The following PPFIA2 variants were observed in gnomAD, a reference collection of about 807,000 sequenced individuals.
PPFIA2 encodes liprin-alpha-2.
In PPFIA2, 46 loss-of-function variants were observed where a neutral mutation model predicts 175.5. That is an observed-to-expected ratio of 0.26 (90% confidence interval 0.21 to 0.34). The LOEUF (loss-of-function observed/expected upper bound fraction) is 0.34. Ranked by LOEUF, PPFIA2 falls within the 10% of genes least tolerant of loss-of-function variation. The probability of loss-of-function intolerance (pLI) is 1.00; values close to 1 mark genes in which losing one functional copy is unlikely to be tolerated. For missense variants in PPFIA2, 1,179 were observed against 1,506.1 expected (o/e 0.78, Z 3.60); for synonymous variants, 568 against 511.4 (o/e 1.11, Z -1.49).
chr12:81,693,690 G>T (rs1317152642), intron 3 of PPFIA2, among the ~76,000 whole-genome samples: 1 of 152,136 alleles, frequency 6.6e-6, no homozygotes, highest in Non-Finnish European at 1.5e-5. Context: ...GCAGAGGTTG[G>T]AAGAGTTTGG....
intron 4 of PPFIA2, among the ~76,000 whole-genome samples, chr12:81,603,995 T>C (rs2153458857): frequency 6.6e-6 from 1 of 151,834 alleles, no homozygotes; most frequent in South Asian, 2.1e-4. Flanking sequence ...GGGGACAGGA[T>C]TATCAGATAC....
intron 4 of PPFIA2, among the ~76,000 whole-genome samples, chr12:81,522,592 C>T (rs2063283352): frequency 6.6e-6 from 1 of 152,166 alleles, no homozygotes; most frequent in Non-Finnish European, 1.5e-5. Context: ...TATAATTCAT[C>T]CTACACTGCT....
rs182412885 is a variant in PPFIA2, at chr12:81,699,566, G to T, written c.250-22722C>A. Among the ~76,000 whole-genome samples the T allele has an allele frequency of 8.6e-4, 130 of 151,408 alleles. 1 individual carries two copies. Among genetic ancestry groups the T allele is most frequent in the African/African-American group, 3.1e-3 (127 of 41,398 alleles). ...TCCTCTCTAAAACAAAAAAAAAATA[G>T]CTTCTTTCTTGACTATTTGAATTAT... is the stretch of plus-strand genomic sequence containing the variant. On this transcript the variant is annotated intron_variant, in intron 3 of 32. Coordinates refer to ENST00000549396, the MANE Select transcript of PPFIA2 (RefSeq NM_003625.5).
At chr12:81,506,971 T>C (rs892256091) in intron 4 of PPFIA2, among the ~76,000 whole-genome samples, 2 of 152,234 alleles carry the variant, frequency 1.3e-5, no homozygotes, top group Non-Finnish European at 1.5e-5. Context: ...TAAGTCCTAA[T>C]GCTTTAAAGC....
intron 22 of PPFIA2, among the ~76,000 whole-genome samples, chr12:81,317,558 C>T (rs1395391289): frequency 1.3e-5 from 2 of 151,058 alleles, no homozygotes; most frequent in Admixed American, 6.6e-5. Context: ...AGTACATGGA[C>T]GTGTGTAGAG....
intron 21 of PPFIA2, among the ~76,000 whole-genome samples, chr12:81,338,399 T>C (rs1194328380): frequency 6.6e-6 from 1 of 152,112 alleles, no homozygotes; most frequent in Non-Finnish European, 1.5e-5. Context: ...TATGTAAGTA[T>C]GTATCATGTA....
intron 4 of PPFIA2, among the ~76,000 whole-genome samples, chr12:81,469,104 C>T (rs1440230698): frequency 2.0e-5 from 3 of 152,170 alleles, no homozygotes; most frequent in East Asian, 3.9e-4. Context: ...AATAATGTAA[C>T]ATGCTCTAAT....
At chr12:81,424,749 C>G (rs2046851350) in intron 7 of PPFIA2, 1 of 152,234 alleles carries the variant, frequency 6.6e-6, no homozygotes, top group East Asian at 1.9e-4. Flanking sequence ...TAAAAGTTTT[C>G]TTTATATGTT....
intron 4 of PPFIA2, among the ~76,000 whole-genome samples, chr12:81,629,570 A>T (rs1800322526): frequency 6.6e-6 from 1 of 152,172 alleles, no homozygotes; most frequent in Non-Finnish European, 1.5e-5. Flanking sequence ...TCACAGAGCT[A>T]CCCAAAACCT....
At chr12:81,393,220 A>G (rs1190110956) in intron 8 of PPFIA2, among the ~76,000 whole-genome samples, 2 of 152,108 alleles carry the variant, frequency 1.3e-5, no homozygotes, top group Non-Finnish European at 2.9e-5. Context: ...TTGATAGAGA[A>G]AAACATTCAT....
Position 81,405,768 on chromosome 12 carries a change from C to T in PPFIA2, c.762+19G>A. The T allele has an allele frequency of 7.7e-7, 1 of 1,299,620 alleles. No homozygotes were observed. The highest frequency in any genetic ancestry group is 1.1e-6 in the Non-Finnish European group (1 of 931,448). The allele number at this position is 1,299,620 out of a possible 1,614,324, so 80.5% of individuals were successfully genotyped here. A position where few individuals can be genotyped will look rare whatever the true frequency, so the allele number is the denominator to read the frequency against. ...AGAAGTAAACATTTCCATGTAAGAG[C>T]ATGTGGGGTGTGTCATACCTTCTCA... On this transcript the variant is annotated intron_variant, in intron 8 of 32. Transcript: ENST00000549396.
intron 4 of PPFIA2, among the ~76,000 whole-genome samples, chr12:81,593,939 T>C (rs990496484): frequency 6.6e-6 from 1 of 152,160 alleles, no homozygotes; most frequent in African/African-American, 2.4e-5. Flanking sequence ...AGGTGAGCAG[T>C]GGGCAAGTGA....
intron 4 of PPFIA2, among the ~76,000 whole-genome samples, chr12:81,480,024 C>T (rs2058012360): frequency 6.6e-6 from 1 of 152,102 alleles, no homozygotes; most frequent in African/African-American, 2.4e-5. Context: ...TTCCATTCTC[C>T]CCATCACTTT....
intron 4 of PPFIA2, among the ~76,000 whole-genome samples, chr12:81,609,979 A>T (rs768117755): frequency 9.9e-5 from 15 of 152,186 alleles, no homozygotes; most frequent in Non-Finnish European, 2.1e-4. Context: ...TTGAAAACAA[A>T]TCCCTCAATA....
chr12:81,618,967 GACAA>G (rs142315646), intron 4 of PPFIA2, among the ~76,000 whole-genome samples: 15,328 of 152,162 alleles, frequency 0.1, 947 homozygotes, highest in South Asian at 0.17. Flanking sequence ...CAATTCAAAG[GACAA>G]ACAGTTATTT....
At chr12:81,607,876 C>T (rs1456412570) in intron 4 of PPFIA2, among the ~76,000 whole-genome samples, 1 of 151,986 alleles carries the variant, frequency 6.6e-6, no homozygotes, top group African/African-American at 2.4e-5. Flanking sequence ...GGTTCCATTT[C>T]TCAAGGGGGA....
At chr12:81,475,451 T>C (rs749489923) in intron 4 of PPFIA2, among the ~76,000 whole-genome samples, 1 of 151,618 alleles carries the variant, frequency 6.6e-6, no homozygotes, top group Non-Finnish European at 1.5e-5. Context: ...TTTTATATAA[T>C]GTGTTTTATA....
intron 7 of PPFIA2, 40 bp downstream of exon 7, chr12:81,439,932 G>T: frequency 2.0e-6 from 3 of 1,489,362 alleles, no homozygotes; most frequent in South Asian, 1.2e-5. Context: ...TAATGTCAGC[G>T]ATATTGCACC....
intron 22 of PPFIA2, among the ~76,000 whole-genome samples, chr12:81,306,643 T>C (rs10459168): frequency 0.94 from 140,979 of 150,138 alleles, 66,368 homozygotes; most frequent in South Asian, 0.98. Context: ...CAGGTTCAAG[T>C]GATTGTCCTG....
Sources: allele counts gnomAD v4.1 joint callset (sites outside exome capture counted in the v4.1 genomes callset), GRCh38; gene constraint gnomAD v4.1.1; transcripts MANE v1.5; gene names NCBI Gene and HGNC (gene_info 2026-07-23, HGNC 2026-07-21).